CLTC: variants seen among roughly 807,000 people sequenced by gnomAD.
The protein encoded by CLTC is clathrin heavy chain, also known as clathrin heavy chain 1.
A neutral mutation model predicts 195.8 loss-of-function variants in CLTC; 16 were observed. The ratio of observed to expected loss-of-function variants is 0.08; its 90% CI spans 0.06 to 0.12. The LOEUF (loss-of-function observed/expected upper bound fraction) is 0.12, where lower values mean the gene tolerates loss of function less well. CLTC is among the 10% of genes least tolerant of loss of function. The pLI is 1.00. For synonymous variants in CLTC, 667 were observed against 689.4 expected, an observed-to-expected ratio of 0.97 and a Z score of 0.51; for missense variants, 796 against 2,027.0, an observed-to-expected ratio of 0.39 and a Z score of 11.66.
intron 17 of CLTC, among the ~76,000 whole-genome samples, chr17:59,677,464 T>G (rs530579585): frequency 6.6e-6 from 1 of 152,344 alleles, no homozygotes; most frequent in South Asian, 2.1e-4. Flanking sequence ...CATACATATG[T>G]GTATACACAC....
intron 1 of CLTC, among the ~76,000 whole-genome samples, chr17:59,643,416 T>A (rs899023679): frequency 3.3e-4 from 51 of 152,302 alleles, no homozygotes; most frequent in African/African-American, 1.2e-3. Context: ...ATCCACTATA[T>A]TTGTTTAGCA....
intron 16 of CLTC, among the ~76,000 whole-genome samples, chr17:59,675,341 A>G (rs191512022): frequency 3.3e-5 from 5 of 152,308 alleles, no homozygotes; most frequent in African/African-American, 7.2e-5. Context: ...CCAATAGAAT[A>G]TAGTATAAGT....
rs2033164621 is a variant in CLTC at position 59,685,470 on chromosome 17, G to C, written c.4606-117G>C. ...TTTAATTTAAATGATACAACTAGGA[G>C]GCTTTTTTCCCCTTGCAAAACCAGA... is the stretch of plus-strand genomic sequence containing the variant. On this transcript the variant is annotated intron_variant, in intron 29 of 31. Coordinates refer to ENST00000269122, the MANE Select transcript of CLTC (RefSeq NM_004859.4). The surrounding 1 kb of genome is among the most constrained non-coding windows in gnomAD (Gnocchi z 5.0). 4 of 956,288 alleles carry C rather than the reference G, an allele frequency of 4.2e-6. 1 individual carries two copies. The highest frequency in any genetic ancestry group is 1.8e-5 in the South Asian group (1 of 56,086). The allele number at this position is 956,288 out of a possible 1,614,324, so 59.2% of individuals were successfully genotyped here.
chr17:59,630,960 A>C (rs1037234769), intron 1 of CLTC, among the ~76,000 whole-genome samples: 1 of 152,178 alleles, frequency 6.6e-6, no homozygotes, highest in Admixed American at 6.5e-5. Context: ...CTCTGTTTCA[A>C]CTTTTTGAGA....
At chr17:59,656,124 A>G in intron 6 of CLTC, 97 bp downstream of exon 6, 1 of 1,077,168 alleles carries the variant, frequency 9.3e-7, no homozygotes, top group Non-Finnish European at 1.3e-6. Context: ...AGATTAAAAA[A>G]TAGAAAATAA....
chr17:59,644,640 C>T (rs1231248641), intron 2 of CLTC, 157 bp downstream of exon 2: 1 of 628,348 alleles, frequency 1.6e-6, no homozygotes, highest in Non-Finnish European at 2.7e-6. Context: ...AATCTCCACC[C>T]CCCAGGTTCA....
intron 1 of CLTC, among the ~76,000 whole-genome samples, chr17:59,627,073 AT>A (rs35155799): frequency 0.77 from 117,351 of 151,650 alleles, 46,409 homozygotes; most frequent in East Asian, 0.93. Flanking sequence ...TAATTTTTGT[AT>A]TTTTTTTGTA....
At chr17:59,661,030 T>A (rs1310601142) in intron 7 of CLTC, among the ~76,000 whole-genome samples, 1 of 149,870 alleles carries the variant, frequency 6.7e-6, no homozygotes, top group Non-Finnish European at 1.5e-5. Flanking sequence ...AATTAACACC[T>A]TACATTCCTG....
At chr17:59,643,547 T>G (rs752601788) in intron 1 of CLTC, among the ~76,000 whole-genome samples, 15 of 152,218 alleles carry the variant, frequency 9.9e-5, no homozygotes, top group Admixed American at 2.6e-4. Flanking sequence ...GAGGTATGTT[T>G]AGCTTGTTGG....
intron 1 of CLTC, among the ~76,000 whole-genome samples, chr17:59,623,224 C>G (rs1425858867): frequency 6.6e-6 from 1 of 152,098 alleles, no homozygotes; most frequent in African/African-American, 2.4e-5. Context: ...GTTGTTGAGT[C>G]AAATGTTAGG....
chr17:59,632,897 G>A (rs927394319), intron 1 of CLTC, among the ~76,000 whole-genome samples: 1 of 152,054 alleles, frequency 6.6e-6, no homozygotes, highest in Non-Finnish European at 1.5e-5. Context: ...TAATGACAAA[G>A]TTATAATCTT....
intron 14 of CLTC, chr17:59,671,120 G>A (rs1273295669): frequency 6.6e-6 from 1 of 152,188 alleles, no homozygotes; most frequent in Non-Finnish European, 1.5e-5. Flanking sequence ...CAGCCTAAAT[G>A]GGATTTCTGT....
intron 31 of CLTC, among the ~76,000 whole-genome samples, chr17:59,691,875 C>T (rs2033309664): frequency 6.6e-6 from 1 of 151,778 alleles, no homozygotes; most frequent in South Asian, 2.1e-4. Flanking sequence ...ACATAGGAAA[C>T]ACAGTAGGAA....
rs1482698783 is a variant in CLTC, at chr17:59,660,518, G to A, written c.1097G>A (p.Arg366Gln). The A allele has an allele frequency of 2.5e-6, 4 of 1,614,082 alleles. No homozygotes were observed. Among genetic ancestry groups the A allele is most frequent in the Non-Finnish European group, 3.4e-6 (4 of 1,180,002 alleles). Residue 366 changes from arginine (R) to glutamine (Q), a missense_variant, in exon 7 of 32, where the codon CGG (arginine) becomes CAG (glutamine). This residue lies in a region of CLTC where 293 missense variants were observed against 795.6 expected (regional missense o/e 0.37). Transcript: ENST00000269122. ...NLAGAEELFA[R>Q]KFNALFAQGN... ...GCCGGTGCTGAAGAACTCTTTGCCC[G>A]GAAATTTAATGCTCTTTTTGCCCAG...
intron 17 of CLTC, among the ~76,000 whole-genome samples, chr17:59,678,503 C>T (rs1471130254): frequency 6.6e-6 from 1 of 152,210 alleles, no homozygotes; most frequent in Non-Finnish European, 1.5e-5. Flanking sequence ...CGATGGGCTA[C>T]AATTCACTAC....
chr17:59,676,924 G>A, intron 16 of CLTC, 30 bp from the exon 17 acceptor site: 1 of 1,450,866 alleles, frequency 6.9e-7, no homozygotes, highest in African/African-American at 1.4e-5. Context: ...TACAGTATGT[G>A]TGTGTGAGGT....
chr17:59,693,125 G>A (rs1225413532), intron 31 of CLTC, among the ~76,000 whole-genome samples: 1 of 152,134 alleles, frequency 6.6e-6, no homozygotes, highest in Non-Finnish European at 1.5e-5. Context: ...CCAGCACTTT[G>A]GGAGGGCAAG....
intron 1 of CLTC, among the ~76,000 whole-genome samples, chr17:59,640,691 G>A (rs557957132): frequency 2.0e-5 from 3 of 151,554 alleles, no homozygotes; most frequent in South Asian, 2.1e-4. Context: ...GAGCCACCAC[G>A]CCCAGCCGAA....
intron 9 of CLTC, chr17:59,664,568 GAA>G (rs2032684246): frequency 8.8e-6 from 2 of 226,084 alleles, no homozygotes; most frequent in South Asian, 1.4e-4. Flanking sequence ...AAAAAAAAAA[GAA>G]AAGAAAAGAA....
Sources: gnomAD v4.1 joint callset for allele counts (sites outside exome capture counted in the v4.1 genomes callset) on GRCh38, gnomAD v4.1.1 for gene constraint, gnomAD v4.1.1 regional missense constraint, Gnocchi (gnomAD v3.1) non-coding constraint, MANE v1.5 for transcripts, NCBI Gene and HGNC (gene_info 2026-07-23, HGNC 2026-07-21) for gene names.